Variants in PTPRD observed in about 807,000 individuals in gnomAD.
The protein encoded by PTPRD is receptor-type tyrosine-protein phosphatase delta.
Under a neutral mutation model 214.5 loss-of-function variants are expected in PTPRD, and 34 were observed. The observed-to-expected ratio is 0.16, with a 90% CI of 0.12 to 0.21. The LOEUF (loss-of-function observed/expected upper bound fraction) is 0.21. PTPRD is among the 10% of genes least tolerant of loss of function. The pLI is 1.00. For synonymous variants in PTPRD, 1,128 were observed against 845.7 expected (o/e 1.33, Z -5.79); for missense variants, 2,545 against 2,398.7 (o/e 1.06, Z -1.27).
chr9:9,549,452 T>C (rs758507370), intron 8 of PTPRD, among the ~76,000 whole-genome samples: 25 of 152,082 alleles, frequency 1.6e-4, no homozygotes, highest in Non-Finnish European at 3.2e-4. Flanking sequence ...ATCAGGAAGA[T>C]GCAAACTGAA....
At chr9:8,395,139 C>G in intron 36 of PTPRD, among the ~76,000 whole-genome samples, 1 of 152,172 alleles carries the variant, frequency 6.6e-6, no homozygotes, top group South Asian at 2.1e-4. Context: ...AGGACTGTGT[C>G]AAAAAGAAAT....
chr9:9,861,156 C>G (rs1035204557), intron 5 of PTPRD, among the ~76,000 whole-genome samples: 1 of 152,148 alleles, frequency 6.6e-6, no homozygotes, highest in Admixed American at 6.5e-5. Flanking sequence ...CACATTTTGA[C>G]CACATTTCTA....
intron 2 of PTPRD, among the ~76,000 whole-genome samples, chr9:10,371,503 C>T (rs777296992): frequency 1.2e-4 from 18 of 152,112 alleles, no homozygotes; most frequent in Non-Finnish European, 2.2e-4. Context: ...CTTTGTCCTC[C>T]TGCTCCAAAC....
intron 2 of PTPRD, among the ~76,000 whole-genome samples, chr9:10,556,221 C>G (rs75737520): frequency 2.0e-5 from 3 of 151,680 alleles, no homozygotes; most frequent in Non-Finnish European, 2.9e-5. Flanking sequence ...AGAGAAATTA[C>G]TAAGTAGATC....
intron 3 of PTPRD, among the ~76,000 whole-genome samples, chr9:10,082,139 G>C (rs2098249021): frequency 6.6e-6 from 1 of 152,082 alleles, no homozygotes; most frequent in Non-Finnish European, 1.5e-5. Flanking sequence ...AAAATTCAAT[G>C]ATAGCACAGA....
chr9:9,425,467 T>TTA (rs201363197), intron 8 of PTPRD, among the ~76,000 whole-genome samples: 9,147 of 146,560 alleles, frequency 0.062, 333 homozygotes, highest in Middle Eastern at 0.16. Context: ...AAATATATAA[T>TTA]TATATATATA....
In PTPRD at chr9:8,759,028, T is replaced by C. The variant is rs574410672; in HGVS notation, c.-103-25082A>G. Among the ~76,000 whole-genome samples the C allele has an allele frequency of 1.8e-3, 267 of 148,860 alleles. 1 individual carries two copies. Among genetic ancestry groups the C allele is most frequent in the African/African-American group, 6.4e-3 (251 of 39,304 alleles). On this transcript the variant is annotated intron_variant, in intron 11 of 45. Transcript: ENST00000381196. The stretch of plus-strand genomic sequence containing the variant: ...AAGCTCACAAAGGTGTTCTTTGGTT[T>C]TGGGTTTTTTTTTTTTTAGAAAGAG...
intron 21 of PTPRD, among the ~76,000 whole-genome samples, chr9:8,509,164 A>C (rs1383137858): frequency 1.3e-5 from 2 of 152,164 alleles, no homozygotes; most frequent in African/African-American, 2.4e-5. Context: ...AAGCGAAAGA[A>C]GATAAAAGAT....
At chr9:8,357,141 G>A (rs117609644) in intron 39 of PTPRD, among the ~76,000 whole-genome samples, 1 of 152,190 alleles carries the variant, frequency 6.6e-6, no homozygotes, top group Non-Finnish European at 1.5e-5. Context: ...AACCCAGCAT[G>A]CTGTGGGATC....
intron 2 of PTPRD, among the ~76,000 whole-genome samples, chr9:10,522,171 C>T (rs2052555334): frequency 6.6e-6 from 1 of 152,146 alleles, no homozygotes. Flanking sequence ...CAGTGCTACT[C>T]CATAGGCAGT....
At chr9:8,989,126 G>A (rs2154346104) in intron 11 of PTPRD, among the ~76,000 whole-genome samples, 1 of 152,134 alleles carries the variant, frequency 6.6e-6, no homozygotes, top group South Asian at 2.1e-4. Context: ...GGGGGCACAT[G>A]TGATATTTTG....
chr9:10,550,659 T>G (rs545315654), intron 2 of PTPRD, among the ~76,000 whole-genome samples: 2 of 152,072 alleles, frequency 1.3e-5, no homozygotes, highest in South Asian at 4.1e-4. Flanking sequence ...CACATACACT[T>G]TGGAGCTGAG....
At chr9:10,426,518 T>C (rs905237625) in intron 2 of PTPRD, among the ~76,000 whole-genome samples, 3 of 152,028 alleles carry the variant, frequency 2.0e-5, no homozygotes, top group Non-Finnish European at 4.4e-5. Flanking sequence ...ATGGCTTTGT[T>C]TAAAAGCCAT....
chr9:9,429,336 C>T (rs1040952387), intron 8 of PTPRD, among the ~76,000 whole-genome samples: 1 of 152,138 alleles, frequency 6.6e-6, no homozygotes, highest in African/African-American at 2.4e-5. Context: ...ATACACCCTC[C>T]CAAGACTAAA....
intron 3 of PTPRD, among the ~76,000 whole-genome samples, chr9:10,259,827 G>C (rs749306875): frequency 6.6e-6 from 1 of 152,136 alleles, no homozygotes; most frequent in Non-Finnish European, 1.5e-5. Context: ...GATTTCCAAA[G>C]TCCCAGGCAG....
intron 14 of PTPRD, among the ~76,000 whole-genome samples, chr9:8,596,920 G>C (rs1373735462): frequency 6.6e-6 from 1 of 152,014 alleles, no homozygotes; most frequent in Non-Finnish European, 1.5e-5. Flanking sequence ...ACAATTTTTA[G>C]CTAAATATCT....
At chr9:8,591,181 G>A (rs1257560713) in intron 14 of PTPRD, among the ~76,000 whole-genome samples, 1 of 152,118 alleles carries the variant, frequency 6.6e-6, no homozygotes, top group Non-Finnish European at 1.5e-5. Context: ...CCTCACTTAA[G>A]GACAAATGAA....
At chr9:8,761,380 TTCTG>T (rs971569588) in intron 11 of PTPRD, among the ~76,000 whole-genome samples, 29 of 152,340 alleles carry the variant, frequency 1.9e-4, no homozygotes, top group South Asian at 4.1e-4. Flanking sequence ...ACTGAAAGAC[TTCTG>T]TCTTTTTCAC....
chr9:10,436,408 G>A (rs1212607138), intron 2 of PTPRD, among the ~76,000 whole-genome samples: 1 of 151,614 alleles, frequency 6.6e-6, no homozygotes, highest in African/African-American at 2.4e-5. Context: ...ATATCATATT[G>A]TATAAGGCAA....
Sources: gnomAD v4.1 joint callset for allele counts (sites outside exome capture counted in the v4.1 genomes callset) on GRCh38, gnomAD v4.1.1 for gene constraint, MANE v1.5 for transcripts, NCBI Gene and HGNC (gene_info 2026-07-23, HGNC 2026-07-21) for gene names.